TBC1D19: variants seen among roughly 807,000 people sequenced by gnomAD.
TBC1D19 encodes TBC1 domain family, member 19.
TBC1D19 carries 60 observed loss-of-function variants against 89.0 expected under a neutral mutation model. That is an observed-to-expected ratio of 0.67 (90% CI 0.55 to 0.84). The LOEUF is 0.84. Among genes scored for constraint, TBC1D19 ranks in the 40% least tolerant of loss-of-function variants. The pLI is 0.00. For synonymous variants in TBC1D19, 189 were observed against 199.7 expected (o/e 0.95, Z 0.45); for missense variants, 500 against 610.8 (o/e 0.82, Z 1.91).
intron 4 of TBC1D19, among the ~76,000 whole-genome samples, chr4:26,621,719 G>T (rs1469912218): frequency 6.6e-6 from 1 of 152,012 alleles, no homozygotes; most frequent in African/African-American, 2.4e-5. Context: ...CTATCTCTAG[G>T]TGGTATCTTT....
intron 13 of TBC1D19, among the ~76,000 whole-genome samples, chr4:26,695,150 A>G (rs1219791787): frequency 6.6e-6 from 1 of 152,224 alleles, no homozygotes; most frequent in East Asian, 1.9e-4. Context: ...ACCACTGTAG[A>G]GAAGTACGTA....
the TBC1D19 span, among the ~76,000 whole-genome samples, chr4:26,812,364 T>C: frequency 2.0e-5 from 3 of 152,326 alleles, no homozygotes; most frequent in South Asian, 2.1e-4. This position sits in a 1 kb window ranked among gnomAD's most constrained non-coding sequence, Gnocchi z 4.2. Flanking sequence ...TTTTCAGAGC[T>C]TTGGAGACCA....
chr4:26,843,052 A>C, the TBC1D19 span, among the ~76,000 whole-genome samples: 64,741 of 152,032 alleles, frequency 0.43, 14,680 homozygotes, highest in Middle Eastern at 0.66. Context: ...ACGTTTCTAC[A>C]GCTATCTGGG....
chr4:26,726,417 T>A (rs1227344821), intron 15 of TBC1D19, among the ~76,000 whole-genome samples: 1 of 152,230 alleles, frequency 6.6e-6, no homozygotes, highest in Non-Finnish European at 1.5e-5. Context: ...TCTCATATTC[T>A]AAAATTCATT....
At chr4:26,600,575 T>C (rs1485351234) in intron 1 of TBC1D19, among the ~76,000 whole-genome samples, 1 of 152,154 alleles carries the variant, frequency 6.6e-6, no homozygotes, top group Non-Finnish European at 1.5e-5. Context: ...GGTTACTAAA[T>C]GTGAAGTGAA....
chr4:26,683,461 C>T (rs932234301), intron 11 of TBC1D19, among the ~76,000 whole-genome samples: 6 of 152,120 alleles, frequency 3.9e-5, no homozygotes, highest in Non-Finnish European at 8.8e-5. Flanking sequence ...CAAATATTGA[C>T]GGAATACTCA....
At chr4:26,622,488 T>C (rs1742121782) in intron 4 of TBC1D19, among the ~76,000 whole-genome samples, 1 of 152,074 alleles carries the variant, frequency 6.6e-6, no homozygotes, top group African/African-American at 2.4e-5. Context: ...ATGTGAGTGA[T>C]AGGTACACGT....
intron 7 of TBC1D19, among the ~76,000 whole-genome samples, chr4:26,645,981 G>C (rs1743903162): frequency 1.3e-5 from 2 of 151,454 alleles, no homozygotes; most frequent in Non-Finnish European, 3.0e-5. Context: ...AAATTAGCCG[G>C]GCGTAGTGGC....
At chr4:26,757,295 G>A (rs180755017), downstream of TBC1D19, among the ~76,000 whole-genome samples, 28 of 152,240 alleles carry the variant, frequency 1.8e-4, no homozygotes, top group East Asian at 7.7e-4. Context: ...GATTACAGGC[G>A]TGAGTGACCA....
chr4:26,739,693 T>C (rs569622433), intron 16 of TBC1D19, among the ~76,000 whole-genome samples, 171 bp from the exon 17 acceptor site: 4 of 152,250 alleles, frequency 2.6e-5, no homozygotes, highest in Admixed American at 2.6e-4. Context: ...TGTTTGAACT[T>C]TACATATGCA....
the TBC1D19 span, among the ~76,000 whole-genome samples, chr4:26,772,233 A>G: frequency 6.6e-6 from 1 of 150,604 alleles, no homozygotes; most frequent in Non-Finnish European, 1.5e-5. Context: ...TTCAGATCCT[A>G]CTATAGGCAA....
chr4:26,774,776 A>G, the TBC1D19 span, among the ~76,000 whole-genome samples: 1 of 152,174 alleles, frequency 6.6e-6, no homozygotes, highest in Non-Finnish European at 1.5e-5. Flanking sequence ...TCCCATATCA[A>G]TATCTTTTAT....
At chr4:26,739,827 A>C in intron 16 of TBC1D19, 37 bp from the exon 17 acceptor site, 4 of 1,098,834 alleles carry the variant, frequency 3.6e-6, no homozygotes, top group Non-Finnish European at 3.9e-6. Context: ...ACATTTCAGT[A>C]GTTCTGCAGT....
At chr4:26,717,143 C>G (rs1470973390) in intron 13 of TBC1D19, among the ~76,000 whole-genome samples, 1 of 152,042 alleles carries the variant, frequency 6.6e-6, no homozygotes, top group African/African-American at 2.4e-5. Context: ...TTTTTCCTCT[C>G]CCTTCACTCT....
intron 1 of TBC1D19, among the ~76,000 whole-genome samples, chr4:26,603,193 C>T (rs1300170031): frequency 6.6e-6 from 1 of 152,148 alleles, no homozygotes; most frequent in Non-Finnish European, 1.5e-5. Flanking sequence ...CCACTGTGAA[C>T]TTGATGGAAT....
chr4:26,738,426 A>C (rs892752739), intron 16 of TBC1D19, among the ~76,000 whole-genome samples: 2 of 151,824 alleles, frequency 1.3e-5, no homozygotes, highest in African/African-American at 4.8e-5. Flanking sequence ...TAGATTTATA[A>C]TAATACCATA....
intron 3 of TBC1D19, among the ~76,000 whole-genome samples, chr4:26,617,290 C>T (rs1741753783): frequency 6.6e-6 from 1 of 152,226 alleles, no homozygotes. Context: ...AAAGATCCCA[C>T]CTCTTAATAC....
intron 1 of TBC1D19, among the ~76,000 whole-genome samples, chr4:26,595,666 T>C (rs1221428050): frequency 6.7e-6 from 1 of 150,230 alleles, no homozygotes; most frequent in African/African-American, 2.4e-5. Flanking sequence ...TTTCTCTTCC[T>C]CCCCCCTCCT....
At chr4:26,662,087 A>G (rs767393844) in intron 8 of TBC1D19, among the ~76,000 whole-genome samples, 3 of 152,170 alleles carry the variant, frequency 2.0e-5, no homozygotes, top group Non-Finnish European at 2.9e-5. Flanking sequence ...GCTTAGCAAT[A>G]TAGTGGGGAC....
Sources: allele counts gnomAD v4.1 joint callset (sites outside exome capture counted in the v4.1 genomes callset), GRCh38; gene constraint gnomAD v4.1.1; non-coding constraint Gnocchi (gnomAD v3.1); transcripts MANE v1.5; gene names NCBI Gene and HGNC (gene_info 2026-07-23, HGNC 2026-07-21).